Variants in CILK1 observed in about 807,000 individuals in gnomAD.
The protein encoded by CILK1 is ciliogenesis associated kinase 1, also known as serine/threonine-protein kinase ICK.
A neutral mutation model predicts 79.2 loss-of-function variants in CILK1; 47 were observed. The ratio of observed to expected loss-of-function variants is 0.59; its 90% CI spans 0.47 to 0.76. The LOEUF is 0.76. Among genes scored for constraint, CILK1 ranks in the 30% least tolerant of loss-of-function variants. The pLI, the probability that CILK1 is intolerant of heterozygous loss-of-function variation, is 0.00. For synonymous variants in CILK1, 266 were observed against 275.9 expected, an observed-to-expected ratio of 0.96 and a Z score of 0.36; for missense variants, 660 against 769.5, an observed-to-expected ratio of 0.86 and a Z score of 1.68.
Position 53,018,336 on chromosome 6 carries a change from T to A in CILK1, c.657A>T (p.Pro219=), listed in dbSNP as rs936019387. The change falls in exon 7 of 14, where the codon CCA becomes CCT. Residue 219 remains proline, a synonymous_variant. Transcript: ENST00000676107. ...IFKICQVLGT[P]KKTDWPEGYQ... ...CTTTGTTTTGTATCATTACCTTTTTTGGTGTCCCCAGCACTTGGCAAATTT... is the reference window on the plus strand; with the variant it reads ...CTTTGTTTTGTATCATTACCTTTTTAGGTGTCCCCAGCACTTGGCAAATTT... 14 of 1,614,148 alleles carry A rather than the reference T, an allele frequency of 8.7e-6. No homozygotes were observed. The highest frequency in any genetic ancestry group is 1.1e-5 in the Non-Finnish European group (13 of 1,179,986).
In CILK1 at chr6:53,011,631, ATTTCTATGATGT is replaced by A. The variant is rs1338513446; in HGVS notation, c.1492+126_1492+137del. ...AAGTGAGGCTTGGGCTTCAGCAAATATTTCTATGATGTTCCCCTCAGTTCTGAAGGGAAGCCC... is the reference window on the plus strand; with the variant it reads ...AAGTGAGGCTTGGGCTTCAGCAAATATCCCCTCAGTTCTGAAGGGAAGCCC... On this transcript the variant is annotated intron_variant, in intron 11 of 13. Transcript: ENST00000676107. The A allele has an allele frequency of 1.1e-5, 10 of 891,842 alleles. No individual in the cohort carries two copies. In the African/African-American group the frequency reaches 1.5e-4, roughly 13 times the overall value. 55.2% of individuals were successfully genotyped at this position (891,842 alleles called of 1,614,324 possible).
intron 3 of CILK1, among the ~76,000 whole-genome samples, chr6:53,033,199 A>G (rs1266616885): frequency 6.6e-6 from 1 of 152,236 alleles, no homozygotes; most frequent in African/African-American, 2.4e-5. Flanking sequence ...AGTTTGAGTT[A>G]CAGAGGACCA....
chr6:53,005,802 C>A (rs933285920), intron 13 of CILK1, among the ~76,000 whole-genome samples: 7 of 152,130 alleles, frequency 4.6e-5, no homozygotes, highest in African/African-American at 1.2e-4. Flanking sequence ...CACTCAGAAT[C>A]CATGACAATG....
chr6:53,028,375 T>G (rs1394869608), intron 5 of CILK1, among the ~76,000 whole-genome samples: 1 of 152,212 alleles, frequency 6.6e-6, no homozygotes, highest in South Asian at 2.1e-4. Context: ...TTGTTCTCGC[T>G]GAGCACAGGC....
chr6:53,031,481 A>C (rs1765958560), intron 4 of CILK1, among the ~76,000 whole-genome samples: 1 of 152,228 alleles, frequency 6.6e-6, no homozygotes, highest in Admixed American at 6.5e-5. Flanking sequence ...CACACAGCAC[A>C]CTGCCGTCAT....
intron 3 of CILK1, among the ~76,000 whole-genome samples, chr6:53,034,223 T>C (rs1379047204): frequency 6.6e-6 from 1 of 152,216 alleles, no homozygotes; most frequent in East Asian, 1.9e-4. Flanking sequence ...GAGAGAATTC[T>C]AGGCAAGGAG....
intron 1 of CILK1, among the ~76,000 whole-genome samples, chr6:53,054,301 C>T (rs1213053068): frequency 6.6e-6 from 1 of 152,206 alleles, no homozygotes; most frequent in Non-Finnish European, 1.5e-5. Context: ...GTGGCAATGA[C>T]CTGCAGGTGT....
intron 9 of CILK1, among the ~76,000 whole-genome samples, chr6:53,013,371 A>G (rs866807157): frequency 1.3e-5 from 2 of 152,230 alleles, no homozygotes; most frequent in African/African-American, 2.4e-5. Flanking sequence ...TCAAGCTACT[A>G]AACAGCAGAG....
chr6:53,019,242 T>C lies in CILK1; in HGVS notation c.476A>G (p.Tyr159Cys), dbSNP rs1343781463. 1 of 1,613,732 alleles carries C rather than the reference T, an allele frequency of 6.2e-7. No individual in the cohort carries two copies. Among genetic ancestry groups the C allele is most frequent in the African/African-American group, 1.3e-5 (1 of 74,934 alleles). Residue 159 changes from tyrosine to cysteine, a missense_variant, in exon 6 of 14, where the codon TAT (tyrosine) becomes TGT (cysteine). By Grantham distance (194) the Tyr-to-Cys change is radical. Coordinates refer to ENST00000676107, the MANE Select transcript of CILK1 (RefSeq NM_014920.5). ...TGGTATTCACCATCTGGTAGATACA[T>C]AATCTGTATATGGAGGTTTTGATCG... ...EIRSKPPYTD[Y>C]VSTRWYRAPE...
In CILK1 at chr6:53,027,510, C is replaced by A. The variant is rs115773111; in HGVS notation, c.358+3555G>T. ...TCTCCCCTCTCAGAGAAGTCTACCC[C>A]CCAGAGGCAGAATGCACCTCCTCAC... On this transcript the variant is annotated intron_variant, in intron 5 of 13. Transcript: ENST00000676107. Among the ~76,000 whole-genome samples, 165 of 152,292 alleles carry A rather than the reference C, an allele frequency of 1.1e-3. 3 individuals carry two copies. The highest frequency in any genetic ancestry group is 3.9e-3 in the African/African-American group (164 of 41,558).
At chr6:53,047,836 G>C (rs1365681150) in intron 1 of CILK1, among the ~76,000 whole-genome samples, 1 of 151,984 alleles carries the variant, frequency 6.6e-6, no homozygotes. Context: ...CTATGGGTTT[G>C]AGATAGGGAA....
At chr6:53,041,475 G>A in intron 1 of CILK1, 67 bp from the exon 2 acceptor site, 2 of 474,412 alleles carry the variant, frequency 4.2e-6, no homozygotes, top group Non-Finnish European at 3.9e-6. Context: ...GTTTTTGTAA[G>A]TCTAAATCTG....
chr6:53,056,084 T>C (rs1298789949), intron 1 of CILK1, among the ~76,000 whole-genome samples: 2 of 152,328 alleles, frequency 1.3e-5, no homozygotes, highest in East Asian at 1.9e-4. Flanking sequence ...GTAACTTTCA[T>C]GATACTGGCA....
intron 1 of CILK1, chr6:53,054,516 T>G (rs975478790): frequency 6.6e-6 from 1 of 152,226 alleles, no homozygotes; most frequent in African/African-American, 2.4e-5. Context: ...GATAAACTGT[T>G]GGGCCCAACT....
chr6:53,055,259 A>C (rs1447479465), intron 1 of CILK1, among the ~76,000 whole-genome samples: 3 of 152,234 alleles, frequency 2.0e-5, no homozygotes, highest in Non-Finnish European at 4.4e-5. Flanking sequence ...TAGACTTCGT[A>C]TTCTAGGTTT....
intron 10 of CILK1, 38 bp downstream of exon 10, chr6:53,011,999 A>G: frequency 1.2e-6 from 2 of 1,613,794 alleles, no homozygotes; most frequent in South Asian, 2.2e-5. Flanking sequence ...CATGAATTCC[A>G]GATTCAGTCT....
At position 53,009,438 on chromosome 6, in the gene CILK1, C is replaced by T. The variant is rs1373694732; in HGVS notation, c.1621+1G>A. 1.2e-5 allele frequency: 19 copies of T among 1,613,966 alleles called. No individual in the cohort carries two copies. Among genetic ancestry groups the T allele is most frequent in the Non-Finnish European group, 1.6e-5 (19 of 1,179,952 alleles). On this transcript the variant is annotated splice_donor_variant, in intron 12 of 13. Transcript: ENST00000676107. LOFTEE classifies it high-confidence loss of function. ...TTTAGGGGTTAATGATCATTACTCA[C>T]CTGAATTTACTTTGCTGATTACTGA...
chr6:53,022,269 T>C (rs1161682329), intron 5 of CILK1, among the ~76,000 whole-genome samples: 1 of 152,224 alleles, frequency 6.6e-6, no homozygotes, highest in East Asian at 1.9e-4. Context: ...TAGACCTTCA[T>C]ACTCACTCAC....
chr6:53,057,258 G>T (rs1274818031), intron 1 of CILK1, among the ~76,000 whole-genome samples: 1 of 152,064 alleles, frequency 6.6e-6, no homozygotes. Flanking sequence ...TTTATCACAG[G>T]TCATGCTTCA....
Sources: gnomAD v4.1 joint callset for allele counts (sites outside exome capture counted in the v4.1 genomes callset) on GRCh38, gnomAD v4.1.1 for gene constraint, MANE v1.5 for transcripts, NCBI Gene and HGNC (gene_info 2026-07-23, HGNC 2026-07-21) for gene names.